DSC3: variants seen among roughly 807,000 people sequenced by gnomAD.
DSC3 encodes desmocollin-3.
A neutral mutation model predicts 89.5 loss-of-function variants in DSC3; 97 were observed. The observed-to-expected ratio is 1.08, with a 90% CI of 0.92 to 1.28. The LOEUF is 1.28. DSC3 is among the 50% of genes most tolerant of loss of function. DSC3 has a pLI of 0.00. For missense variants in DSC3, 1,199 were observed against 1,085.3 expected (o/e 1.10, Z -1.47); for synonymous variants, 436 against 384.1 (o/e 1.14, Z -1.58).
intron 9 of DSC3, among the ~76,000 whole-genome samples, chr18:31,016,180 T>G (rs1985229905): frequency 6.6e-6 from 1 of 152,178 alleles, no homozygotes; most frequent in African/African-American, 2.4e-5. Context: ...TTATTTAGCA[T>G]ATAATTAAGG....
chr18:31,011,204 T>C (rs541429651), intron 9 of DSC3, among the ~76,000 whole-genome samples: 3 of 152,344 alleles, frequency 2.0e-5, no homozygotes, highest in African/African-American at 4.8e-5. Context: ...TCTTCTCTTC[T>C]GTGAAATTGT....
At chr18:31,001,226 A>T (rs919688916) in intron 14 of DSC3, among the ~76,000 whole-genome samples, 1 of 151,402 alleles carries the variant, frequency 6.6e-6, no homozygotes, top group Admixed American at 6.6e-5. Context: ...GATATATCTC[A>T]TTGATATTTT....
intron 7 of DSC3, among the ~76,000 whole-genome samples, chr18:31,020,093 T>C (rs1382706520): frequency 6.6e-6 from 1 of 152,146 alleles, no homozygotes; most frequent in Non-Finnish European, 1.5e-5. Context: ...ATGTTGAATC[T>C]TATGTGCCTG....
chr18:31,037,589 A>G (rs2144740902), intron 1 of DSC3, among the ~76,000 whole-genome samples: 1 of 152,132 alleles, frequency 6.6e-6, no homozygotes, highest in Non-Finnish European at 1.5e-5. Context: ...TTTGTTAGAT[A>G]TGTTTCATTA....
chr18:31,018,461 G>A (rs1025889749), intron 8 of DSC3, among the ~76,000 whole-genome samples: 2 of 151,994 alleles, frequency 1.3e-5, no homozygotes, highest in Admixed American at 1.3e-4. Flanking sequence ...CATGGTACTG[G>A]CCTTTGACAG....
In DSC3 at chr18:31,018,259, G is replaced by T; in HGVS notation, c.1078-3C>A. The stretch of plus-strand genomic sequence containing the variant: ...TTTTCCTCTACAAATGCTTCATACT[G>T]AAACAGAAAGAAGTCATTGAAAATT... On this transcript the variant is annotated splice_polypyrimidine_tract_variant and splice_region_variant and intron_variant, in intron 8 of 15. Transcript: ENST00000360428. 6.2e-7 allele frequency: 1 copy of T among 1,603,928 alleles called. No homozygotes were observed. The highest frequency in any genetic ancestry group is 8.5e-7 in the Non-Finnish European group (1 of 1,175,982).
intron 5 of DSC3, 75 bp from the exon 6 acceptor site, chr18:31,024,568 C>T (rs1598546629): frequency 6.7e-7 from 1 of 1,497,002 alleles, no homozygotes; most frequent in East Asian, 2.4e-5. Flanking sequence ...TATCTACTAC[C>T]TGCCTTGCAA....
intron 2 of DSC3, among the ~76,000 whole-genome samples, chr18:31,031,763 C>T (rs1985799228): frequency 6.6e-6 from 1 of 152,178 alleles, no homozygotes; most frequent in African/African-American, 2.4e-5. Context: ...AGTCTTTCTT[C>T]CCTGGGATTT....
chr18:31,022,526 C>T, intron 6 of DSC3, 24 bp from the exon 7 acceptor site: 1 of 1,613,120 alleles, frequency 6.2e-7, no homozygotes, highest in Non-Finnish European at 8.5e-7. Context: ...AATAAAACAG[C>T]CTTTAATTTA....
intron 15 of DSC3, among the ~76,000 whole-genome samples, chr18:30,996,041 T>C (rs982334791): frequency 1.3e-5 from 2 of 149,732 alleles, no homozygotes; most frequent in Non-Finnish European, 3.0e-5. Flanking sequence ...GTGATTTTGG[T>C]ATGAACAGAG....
intron 1 of DSC3, among the ~76,000 whole-genome samples, chr18:31,042,185 C>T (rs575338999): frequency 6.6e-6 from 1 of 152,304 alleles, no homozygotes; most frequent in South Asian, 2.1e-4. Context: ...CCCTAAATCC[C>T]TTTTCAAGTC....
At position 31,001,079 on chromosome 18, in the gene DSC3, T is replaced by TTGTGTG. The variant is rs143984388; in HGVS notation, c.2235+533_2235+538dup. Reference sequence around the variant, plus strand: ...TATATACTTTGTGTTTATATATACTTTGTGTGTGTGTATATATATATATAT... The same window carrying TTGTGTG: ...TATATACTTTGTGTTTATATATACTTTGTGTGTGTGTGTGTGTATATATATATATAT... On this transcript the variant is annotated intron_variant, in intron 14 of 15. Coordinates refer to ENST00000360428, the MANE Select transcript of DSC3 (RefSeq NM_001941.5). Among the ~76,000 whole-genome samples the TTGTGTG allele has an allele frequency of 3.7e-4, 47 of 127,252 alleles. 1 individual carries two copies. The highest frequency in any genetic ancestry group is 4.1e-3 in the Middle Eastern group (1 of 244). The allele number at this position is 127,252 out of a possible 152,430, so 83.5% of individuals were successfully genotyped here.
intron 9 of DSC3, among the ~76,000 whole-genome samples, chr18:31,013,958 T>C (rs563481167): frequency 6.6e-6 from 1 of 152,136 alleles, no homozygotes; most frequent in Non-Finnish European, 1.5e-5. Flanking sequence ...ATAAAAAAAT[T>C]AGAATTTCCA....
At chr18:31,022,095 G>C (rs1263185437) in intron 7 of DSC3, among the ~76,000 whole-genome samples, 1 of 152,004 alleles carries the variant, frequency 6.6e-6, no homozygotes, top group African/African-American at 2.4e-5. Context: ...AATTTATAAT[G>C]AAATTTTTTC....
In DSC3 at chr18:30,992,175, A is replaced by AGGGG. The variant is rs9304076; in HGVS notation, c.*1996_*1999dup. The AGGGG allele has an allele frequency of 1.4e-4, 12 of 85,596 alleles. No homozygotes were observed. Among genetic ancestry groups the AGGGG allele is most frequent in the Non-Finnish European group, 2.1e-4 (9 of 41,888 alleles). The allele number at this position is 85,596 out of a possible 1,614,324, so 5.3% of individuals were successfully genotyped here. A position where few individuals can be genotyped will look rare whatever the true frequency, so the allele number is the denominator to read the frequency against. On this transcript the variant is annotated 3_prime_UTR_variant, in exon 16 of 16. Transcript: ENST00000360428. Reference sequence around the variant, plus strand: ...AGCGAGACTCCGTCTCAAAAAAAAAAGGGGGGGGGGGGGGCAATAAAAAGT... The same window carrying AGGGG: ...AGCGAGACTCCGTCTCAAAAAAAAAAGGGGGGGGGGGGGGGGGGCAATAAAAAGT...
chr18:31,014,165 T>C (rs1458060722), intron 9 of DSC3, among the ~76,000 whole-genome samples: 6 of 151,948 alleles, frequency 3.9e-5, no homozygotes, highest in Admixed American at 2.6e-4. Flanking sequence ...AGAATATCCA[T>C]AGGTGTGGTC....
At chr18:31,009,333 G>A (rs1376320738) in intron 9 of DSC3, among the ~76,000 whole-genome samples, 8 of 152,056 alleles carry the variant, frequency 5.3e-5, no homozygotes, top group African/African-American at 1.4e-4. Flanking sequence ...GATTACAGGC[G>A]TGAACCACCA....
chr18:31,018,102 TC>T lies in DSC3; in HGVS notation c.1231del (p.Glu411LysfsTer10). 6.2e-7 allele frequency: 1 copy of T among 1,612,674 alleles called. No homozygotes were observed. Among genetic ancestry groups the T allele is most frequent in the Non-Finnish European group, 8.5e-7 (1 of 1,179,274 alleles). On this transcript the variant is annotated frameshift_variant, in exon 9 of 16. Transcript: ENST00000360428. LOFTEE classifies it high-confidence loss of function. ...NGHFKISTDK[E>X]TNEGVLSVVK... ...AACAGAAAGAACACCTTCATTAGTT[TC>T]TTTGTCTGTGCTGATTTTGAAATGT... is the stretch of plus-strand genomic sequence containing the variant.
chr18:31,039,958 C>T (rs906403012), intron 1 of DSC3, among the ~76,000 whole-genome samples: 7 of 152,024 alleles, frequency 4.6e-5, no homozygotes, highest in African/African-American at 1.5e-4. Flanking sequence ...AATGTAAAAG[C>T]CTTTAGAAAT....
Sources: allele counts gnomAD v4.1 joint callset (sites outside exome capture counted in the v4.1 genomes callset), GRCh38; gene constraint gnomAD v4.1.1; transcripts MANE v1.5; gene names NCBI Gene and HGNC (gene_info 2026-07-23, HGNC 2026-07-21).